Variants in SMPDL3B observed in about 807,000 individuals in gnomAD.
The protein encoded by SMPDL3B is acid sphingomyelinase-like phosphodiesterase 3b.
SMPDL3B carries 31 observed loss-of-function variants against 37.9 expected under a neutral mutation model. The ratio of observed to expected loss-of-function variants is 0.82; its 90% CI spans 0.61 to 1.10. SMPDL3B has a LOEUF of 1.10. Among genes scored for constraint, SMPDL3B ranks in the 50% least tolerant of loss-of-function variants. SMPDL3B has a pLI of 0.00. For missense variants in SMPDL3B, 525 were observed against 597.8 expected (o/e 0.88, Z 1.27); for synonymous variants, 235 against 242.6 (o/e 0.97, Z 0.29).
At chr1:27,941,935 C>T (rs1206023715) in intron 1 of SMPDL3B, among the ~76,000 whole-genome samples, 1 of 152,152 alleles carries the variant, frequency 6.6e-6, no homozygotes, top group Non-Finnish European at 1.5e-5. Context: ...CCCGCCTGGA[C>T]CTCTGGCTCT....
intron 1 of SMPDL3B, among the ~76,000 whole-genome samples, chr1:27,944,889 G>A (rs755585767): frequency 7.2e-5 from 11 of 152,106 alleles, no homozygotes; most frequent in African/African-American, 4.8e-5. Flanking sequence ...CTCAGAGCCT[G>A]AGCACTTAAC....
At position 27,949,594 on chromosome 1, in the gene SMPDL3B, G is replaced by A. The variant is rs1228286164; in HGVS notation, c.373+432G>A. ...AATGCTAATTTCCAGCCAAGGTGCT[G>A]TTTCTTGTTGCTTCCAAGGACTTCA... On this transcript the variant is annotated intron_variant, in intron 3 of 7. Transcript: ENST00000373894. Among the ~76,000 whole-genome samples, 7 of 152,180 alleles carry A rather than the reference G, an allele frequency of 4.6e-5. No individual in the cohort carries two copies. In the East Asian group the frequency reaches 7.7e-4, roughly 17 times the overall value.
In SMPDL3B at chr1:27,949,114, C is replaced by T. The variant is rs772719739; in HGVS notation, c.325C>T (p.Leu109=). 1.2e-6 allele frequency: 2 copies of T among 1,614,212 alleles called. No homozygotes were observed. Among genetic ancestry groups the T allele is most frequent in the South Asian group, 2.2e-5 (2 of 91,086 alleles). The part of the protein sequence containing the change: ...PDEKLGEAAV[L]EIVERLTKLI... ...TGAGAAACTGGGAGAGGCAGCTGTA[C>T]TGGAAATTGTGGAACGCCTGACCAA... Residue 109 remains leucine, a synonymous_variant, in exon 3 of 8, where the codon CTG becomes TTG. Transcript: ENST00000373894.
Position 27,949,088 on chromosome 1 carries a change from AT to A in SMPDL3B, c.300del (p.Asp100GlufsTer16). 6.2e-7 allele frequency: 1 copy of A among 1,614,164 alleles called. No individual in the cohort carries two copies. The highest frequency in any genetic ancestry group is 8.5e-7 in the Non-Finnish European group (1 of 1,180,028). On this transcript the variant is annotated frameshift_variant, in exon 3 of 8. Transcript: ENST00000373894. LOFTEE classifies it high-confidence loss of function. ...AGTGATGACACGCCTCATGTGCCCG[AT>A]GAGAAACTGGGAGAGGCAGCTGTAC... The part of the protein sequence containing the change: ...WTGDDTPHVP[D>X]EKLGEAAVLE...
chr1:27,952,655 A>G (rs967150244), intron 3 of SMPDL3B, among the ~76,000 whole-genome samples: 18 of 152,170 alleles, frequency 1.2e-4, no homozygotes, highest in Non-Finnish European at 2.6e-4. Flanking sequence ...GCAAGTGGCC[A>G]TTCCCTTTCT....
chr1:27,940,508 T>C (rs959073280), intron 1 of SMPDL3B, among the ~76,000 whole-genome samples: 1 of 152,084 alleles, frequency 6.6e-6, no homozygotes, highest in Admixed American at 6.6e-5. Flanking sequence ...GGCGCTGTTA[T>C]CTTGATTTTA....
Position 27,958,808 on chromosome 1 carries a change from C to T in SMPDL3B, c.1338C>T (p.Ala446=), listed in dbSNP as rs774937795. The change falls in exon 8 of 8, where the codon GCC becomes GCT. Residue 446 remains alanine (A), a synonymous_variant. Transcript: ENST00000373894. This position sits in a 1 kb window ranked among gnomAD's most constrained non-coding sequence, Gnocchi z 5.6. ...PVPQLPLLLM[A]LLGLCTLVL ...CCCAGCTCCCGCTGCTGCTGATGGC[C>T]CTGCTGGGCCTGTGCACGCTCGTGC... The T allele has an allele frequency of 1.9e-5, 30 of 1,604,402 alleles. No individual in the cohort carries two copies. Among genetic ancestry groups the T allele is most frequent in the South Asian group, 1.8e-4 (16 of 90,586 alleles).
chr1:27,944,685 A>G (rs971420620), intron 1 of SMPDL3B, among the ~76,000 whole-genome samples: 1 of 150,854 alleles, frequency 6.6e-6, no homozygotes, highest in Non-Finnish European at 1.5e-5. Flanking sequence ...AAGGTTTTCC[A>G]GCTCATTTGG....
At chr1:27,952,034 C>T (rs2090459359) in intron 3 of SMPDL3B, among the ~76,000 whole-genome samples, 1 of 152,200 alleles carries the variant, frequency 6.6e-6, no homozygotes, top group Admixed American at 6.5e-5. Flanking sequence ...ATGGGTGAGA[C>T]ACCATTCCAG....
chr1:27,937,735 C>T (rs2090321730), intron 1 of SMPDL3B, among the ~76,000 whole-genome samples: 1 of 152,176 alleles, frequency 6.6e-6, no homozygotes, highest in South Asian at 2.1e-4. Context: ...CTAAGGCTGC[C>T]TTGCTCACCC....
chr1:27,958,616 C>T lies in SMPDL3B; in HGVS notation c.1146C>T (p.Ile382=). ...AHSMHTVLDR[I]AGDQSTLQRY... ...CCATGCACACAGTGCTGGACCGCAT[C>T]GCTGGCGACCAGAGCACACTGCAGC... is the stretch of plus-strand genomic sequence containing the variant. Residue 382 remains isoleucine, a synonymous_variant, in exon 8 of 8, where the codon ATC becomes ATT. Coordinates refer to ENST00000373894, the MANE Select transcript of SMPDL3B (RefSeq NM_014474.4). The surrounding 1 kb of genome is among the most constrained non-coding windows in gnomAD (Gnocchi z 5.6). 3 of 1,613,650 alleles carry T rather than the reference C, an allele frequency of 1.9e-6. No individual in the cohort carries two copies. The highest frequency in any genetic ancestry group is 2.5e-6 in the Non-Finnish European group (3 of 1,179,706).
chr1:27,945,607 T>C lies in SMPDL3B; in HGVS notation c.275+162T>C, dbSNP rs113119629. ...AGGAATTTTGTAACTTGCCCGGGGATTCCTGAGTCCAACTGATTCCACAGT... is the reference window on the plus strand; with the variant it reads ...AGGAATTTTGTAACTTGCCCGGGGACTCCTGAGTCCAACTGATTCCACAGT... On this transcript the variant is annotated intron_variant, in intron 2 of 7. Transcript: ENST00000373894. This position sits in a 1 kb window ranked among gnomAD's most constrained non-coding sequence, Gnocchi z 4.0. Among the ~76,000 whole-genome samples, 2,959 of 152,280 alleles carry C rather than the reference T, an allele frequency of 0.019. 115 individuals are homozygous for C. The highest frequency in any genetic ancestry group is 0.067 in the African/African-American group (2,771 of 41,556).
chr1:27,956,254 G>A (rs965259636), intron 7 of SMPDL3B, 172 bp downstream of exon 7: 27 of 1,545,880 alleles, frequency 1.7e-5, no homozygotes, highest in South Asian at 6.2e-5. Context: ...ACCTGCCACC[G>A]AGTCAGGGCA....
Position 27,945,253 on chromosome 1 carries a change from A to G in SMPDL3B, c.83A>G (p.Asp28Gly). The G allele has an allele frequency of 1.2e-6, 2 of 1,614,128 alleles. No homozygotes were observed. Among genetic ancestry groups the G allele is most frequent in the Non-Finnish European group, 1.7e-6 (2 of 1,180,018 alleles). ...GCAGGGAAGTTCTGGCACATCGCTG[A>G]CCTGCACCTTGACCCTGACTACAAG... ...AEPGKFWHIA[D>G]LHLDPDYKVS... Residue 28 changes from aspartate to glycine, a missense_variant, in exon 2 of 8, where the codon GAC becomes GGC. Transcript: ENST00000373894. The surrounding 1 kb of genome is among the most constrained non-coding windows in gnomAD (Gnocchi z 4.0).
intron 1 of SMPDL3B, among the ~76,000 whole-genome samples, chr1:27,944,441 A>G (rs1480396161): frequency 6.6e-6 from 1 of 151,948 alleles, no homozygotes; most frequent in African/African-American, 2.4e-5. Flanking sequence ...TGCAGCCTCC[A>G]CCTCCTGGGC....
chr1:27,946,226 G>A (rs1007329945), intron 2 of SMPDL3B, among the ~76,000 whole-genome samples: 10 of 151,960 alleles, frequency 6.6e-5, no homozygotes, highest in South Asian at 4.2e-4. Flanking sequence ...GGTAGTGCAC[G>A]CCTGTGGTTC....
intron 1 of SMPDL3B, among the ~76,000 whole-genome samples, chr1:27,942,547 C>T (rs1318357033): frequency 1.3e-5 from 2 of 152,220 alleles, no homozygotes; most frequent in African/African-American, 4.8e-5. Context: ...GGTGCAATCT[C>T]GGCTCACTGC....
chr1:27,945,300 G>T lies in SMPDL3B; in HGVS notation c.130G>T (p.Val44Leu). 6.2e-7 allele frequency: 1 copy of T among 1,614,138 alleles called. No homozygotes were observed. Among genetic ancestry groups the T allele is most frequent in the Non-Finnish European group, 8.5e-7 (1 of 1,180,028 alleles). Reference protein sequence around the residue: ...DYKVSKDPFQVCPSAGSQPVP... With the variant: ...DYKVSKDPFQLCPSAGSQPVP... ...CAAGGTATCCAAAGACCCCTTCCAG[G>T]TGTGCCCATCAGCTGGATCCCAGCC... Residue 44 changes from valine to leucine, a missense_variant, in exon 2 of 8, where the codon GTG becomes TTG. By Grantham distance (32) the Val-to-Leu change is conservative. Transcript: ENST00000373894. The surrounding 1 kb of genome is among the most constrained non-coding windows in gnomAD (Gnocchi z 4.0).
chr1:27,936,822 T>A (rs2090312112), intron 1 of SMPDL3B, among the ~76,000 whole-genome samples: 1 of 152,082 alleles, frequency 6.6e-6, no homozygotes, highest in African/African-American at 2.4e-5. Context: ...ATTGAGACAA[T>A]CCTGGCTAAT....
Sources: allele counts gnomAD v4.1 joint callset (sites outside exome capture counted in the v4.1 genomes callset), GRCh38; gene constraint gnomAD v4.1.1; non-coding constraint Gnocchi (gnomAD v3.1); transcripts MANE v1.5; gene names NCBI Gene and HGNC (gene_info 2026-07-23, HGNC 2026-07-21).